The following NTNG1 variants were observed in gnomAD, a reference collection of about 807,000 sequenced individuals.
NTNG1 encodes the protein netrin G1, also known as netrin-G1.
Under a neutral mutation model 54.0 loss-of-function variants are expected in NTNG1, and 16 were observed. That is an observed-to-expected ratio of 0.30 (90% confidence interval 0.20 to 0.45). NTNG1 has a LOEUF of 0.45. Among genes scored for constraint, NTNG1 ranks in the 20% least tolerant of loss-of-function variants. NTNG1 has a pLI of 1.00. For synonymous variants in NTNG1, 255 were observed against 263.1 expected (o/e 0.97, Z 0.30); for missense variants, 530 against 678.7 (o/e 0.78, Z 2.43).
chr1:107,451,279 T>C lies in NTNG1; in HGVS notation c.1390+14480T>C, dbSNP rs185978879. The stretch of plus-strand genomic sequence containing the variant: ...TGAAGAGAATAAGGTTGTTTATTCC[T>C]GTAAAAAGATTTTTTAAAAATAGTA... On this transcript the variant is annotated intron_variant, in intron 7 of 7. Coordinates refer to ENST00000370068, the MANE Select transcript of NTNG1 (RefSeq NM_001113226.3). Among the ~76,000 whole-genome samples, 262 of 152,214 alleles carry C rather than the reference T, an allele frequency of 1.7e-3. 2 individuals carry two copies. Among genetic ancestry groups the C allele is most frequent in the African/African-American group, 6.1e-3 (255 of 41,552 alleles).
chr1:107,302,334 T>C (rs1666372312), intron 2 of NTNG1, among the ~76,000 whole-genome samples: 1 of 152,158 alleles, frequency 6.6e-6, no homozygotes. Context: ...ATCTTGATCA[T>C]GTACAGGAAC....
intron 5 of NTNG1, among the ~76,000 whole-genome samples, chr1:107,425,310 C>A (rs995358945): frequency 2.0e-5 from 3 of 151,812 alleles, no homozygotes; most frequent in Admixed American, 1.3e-4. Context: ...TAGTAATTAC[C>A]AGTAGGTAAT....
Position 107,457,396 on chromosome 1 carries a change from T to C in NTNG1, c.1390+20597T>C, listed in dbSNP as rs1677013757. ...CACCTTTTACATTTACCCATGTGCA[T>C]GGCACTGTGCTCAGTGCTATAGATA... On this transcript the variant is annotated intron_variant, in intron 7 of 7. Transcript: ENST00000370068. Among the ~76,000 whole-genome samples the C allele has an allele frequency of 3.9e-5, 6 of 152,340 alleles. No homozygotes were observed. In the South Asian group the frequency reaches 1.2e-3, roughly 32 times the overall value.
chr1:107,388,349 C>T (rs1012783953), intron 3 of NTNG1, among the ~76,000 whole-genome samples: 2 of 152,170 alleles, frequency 1.3e-5, no homozygotes, highest in African/African-American at 2.4e-5. Flanking sequence ...CCTTGTTTTA[C>T]AGAAAAGGCA....
intron 2 of NTNG1, among the ~76,000 whole-genome samples, chr1:107,227,072 G>A (rs935127538): frequency 2.0e-5 from 3 of 152,070 alleles, no homozygotes; most frequent in African/African-American, 4.8e-5. Context: ...AGTAGGGGTG[G>A]AGAATCATAC....
At chr1:107,269,035 A>T (rs1193172250) in intron 2 of NTNG1, among the ~76,000 whole-genome samples, 2 of 152,096 alleles carry the variant, frequency 1.3e-5, no homozygotes, top group Non-Finnish European at 2.9e-5. Context: ...ATTTTTTTTA[A>T]TGTAAGGCAT....
At chr1:107,147,814 TTGAAG>T (rs1345675152) in intron 1 of NTNG1, among the ~76,000 whole-genome samples, 1 of 152,182 alleles carries the variant, frequency 6.6e-6, no homozygotes, top group Non-Finnish European at 1.5e-5. Context: ...AATATAATTT[TTGAAG>T]TGAAAACCTG....
intron 3 of NTNG1, among the ~76,000 whole-genome samples, chr1:107,345,411 T>C (rs1669156689): frequency 6.6e-6 from 1 of 152,220 alleles, no homozygotes; most frequent in Non-Finnish European, 1.5e-5. Context: ...CTGTGGATTA[T>C]GCTGGAAGGC....
At chr1:107,397,663 T>C (rs1203228241) in intron 4 of NTNG1, among the ~76,000 whole-genome samples, 1 of 152,034 alleles carries the variant, frequency 6.6e-6, no homozygotes. Flanking sequence ...TTATTTTTAG[T>C]TTTTTTCATA....
chr1:107,187,262 G>A (rs1657531781), intron 2 of NTNG1, among the ~76,000 whole-genome samples: 1 of 151,916 alleles, frequency 6.6e-6, no homozygotes, highest in Non-Finnish European at 1.5e-5. Flanking sequence ...TTATACCCTA[G>A]CACCCAATGC....
At chr1:107,463,691 T>C (rs1189661223) in intron 7 of NTNG1, among the ~76,000 whole-genome samples, 1 of 152,154 alleles carries the variant, frequency 6.6e-6, no homozygotes, top group African/African-American at 2.4e-5. Flanking sequence ...AGAACCAAAA[T>C]GTACTTGTGG....
intron 2 of NTNG1, among the ~76,000 whole-genome samples, chr1:107,218,126 G>A (rs1201684592): frequency 1.3e-5 from 2 of 152,130 alleles, no homozygotes; most frequent in Admixed American, 6.5e-5. Flanking sequence ...ATAAATTCGG[G>A]ATCCCCACTG....
chr1:107,409,582 G>A (rs1423203045), intron 5 of NTNG1: 1 of 152,010 alleles, frequency 6.6e-6, no homozygotes, highest in Non-Finnish European at 1.5e-5. Flanking sequence ...AGGATGCTTC[G>A]TTGTGCCTTT....
intron 2 of NTNG1, among the ~76,000 whole-genome samples, chr1:107,181,538 A>G (rs1053509247): frequency 8.6e-5 from 1 of 11,662 alleles, no homozygotes; most frequent in African/African-American, 1.6e-4. Flanking sequence ...TTCTTTCAGT[A>G]GGGTTTGTGA....
intron 1 of NTNG1, among the ~76,000 whole-genome samples, chr1:107,142,307 C>CAT (rs1553189727): frequency 6.8e-6 from 1 of 146,190 alleles, no homozygotes; most frequent in African/African-American, 2.5e-5. Context: ...CACCCGGGGA[C>CAT]TTTTTTTTTT....
At position 107,379,780 on chromosome 1, in the gene NTNG1, G is replaced by A. The variant is rs183463355; in HGVS notation, c.888-15374G>A. 9.2e-5 allele frequency among the ~76,000 whole-genome samples: 14 copies of A among 152,236 alleles called. No individual in the cohort carries two copies. In the East Asian group the frequency reaches 2.7e-3, roughly 29 times the overall value. Reference sequence around the variant, plus strand: ...GTTAAAATCCAGTTTTACAGATGAGGAAATTAAGATACATAAAAGTTAAGC... The same window carrying A: ...GTTAAAATCCAGTTTTACAGATGAGAAAATTAAGATACATAAAAGTTAAGC... On this transcript the variant is annotated intron_variant, in intron 3 of 7. Transcript: ENST00000370068.
chr1:107,195,368 A>G (rs908749674), intron 2 of NTNG1, among the ~76,000 whole-genome samples: 3 of 151,940 alleles, frequency 2.0e-5, no homozygotes, highest in South Asian at 2.1e-4. Context: ...GATTGCTGCA[A>G]TGGATTTCTG....
intron 2 of NTNG1, among the ~76,000 whole-genome samples, chr1:107,195,667 A>T (rs970942816): frequency 1.3e-5 from 2 of 151,866 alleles, no homozygotes; most frequent in Admixed American, 6.6e-5. Context: ...TCCCTTGCCC[A>T]CCTTTTTCCA....
chr1:107,410,518 C>T (rs1327369705), intron 5 of NTNG1: 1 of 152,126 alleles, frequency 6.6e-6, no homozygotes, highest in Non-Finnish European at 1.5e-5. Flanking sequence ...CTGCTTTGGC[C>T]ATGGCTGAAA....
Sources: gnomAD v4.1 joint callset for allele counts (sites outside exome capture counted in the v4.1 genomes callset) on GRCh38, gnomAD v4.1.1 for gene constraint, MANE v1.5 for transcripts, NCBI Gene and HGNC (gene_info 2026-07-23, HGNC 2026-07-21) for gene names.